Variants in DAB1 observed in about 807,000 individuals in gnomAD.
DAB1 encodes the protein DAB adaptor protein 1, also known as disabled homolog 1.
In DAB1, 15 loss-of-function variants were observed where a neutral mutation model predicts 64.6. That is an observed-to-expected ratio of 0.23 (90% CI 0.16 to 0.36). DAB1 has a LOEUF of 0.36. Among genes scored for constraint, DAB1 ranks in the 10% least tolerant of loss-of-function variants. The pLI is 1.00. For missense variants in DAB1, 596 were observed against 706.7 expected, an observed-to-expected ratio of 0.84 and a Z score of 1.78; for synonymous variants, 235 against 251.9, an observed-to-expected ratio of 0.93 and a Z score of 0.64.
chr1:57,603,978 C>A (rs1645605396), intron 7 of DAB1, among the ~76,000 whole-genome samples: 1 of 152,230 alleles, frequency 6.6e-6, no homozygotes, highest in South Asian at 2.1e-4. Context: ...ATACCTGTTT[C>A]TCTAGCTGCA....
chr1:57,079,183 AT>A (rs1357788520), intron 4 of DAB1, among the ~76,000 whole-genome samples: 1 of 151,960 alleles, frequency 6.6e-6, no homozygotes, highest in Non-Finnish European at 1.5e-5. Flanking sequence ...ATTACTAGTA[AT>A]TTTCTTCTTA....
At chr1:57,483,783 C>A (rs371926883) in intron 7 of DAB1, among the ~76,000 whole-genome samples, 1 of 152,062 alleles carries the variant, frequency 6.6e-6, no homozygotes, top group East Asian at 1.9e-4. Context: ...CATGAAGACA[C>A]CGATGGTGAT....
At chr1:58,462,195 C>T (rs1334177368) in intron 3 of DAB1, among the ~76,000 whole-genome samples, 4 of 148,090 alleles carry the variant, frequency 2.7e-5, no homozygotes, top group South Asian at 2.2e-4. Context: ...GGCGCAGTCT[C>T]GGCTCACTGC....
intron 7 of DAB1, among the ~76,000 whole-genome samples, chr1:57,565,068 A>T (rs182208397): frequency 0.034 from 5,227 of 152,288 alleles, 327 homozygotes; most frequent in African/African-American, 0.12. Context: ...GACTAACAGC[A>T]GATCTCTCAG....
intron 6 of DAB1, among the ~76,000 whole-genome samples, chr1:57,807,682 A>C (rs1224100880): frequency 6.6e-6 from 1 of 152,116 alleles, no homozygotes; most frequent in Non-Finnish European, 1.5e-5. Flanking sequence ...ATTTATATTA[A>C]AAATTTTTTT....
intron 7 of DAB1, among the ~76,000 whole-genome samples, chr1:57,507,494 A>G (rs1003106568): frequency 3.3e-5 from 5 of 152,188 alleles, no homozygotes; most frequent in Admixed American, 6.5e-5. Flanking sequence ...CTCAAAGACA[A>G]TAACAGGGTT....
intron 5 of DAB1, among the ~76,000 whole-genome samples, chr1:58,093,489 T>C (rs1313030422): frequency 6.6e-6 from 1 of 151,950 alleles, no homozygotes; most frequent in Non-Finnish European, 1.5e-5. Context: ...ATGAACCCTA[T>C]TGTGAACTGC....
chr1:57,728,116 C>G (rs957678506), intron 6 of DAB1, among the ~76,000 whole-genome samples: 3 of 152,100 alleles, frequency 2.0e-5, no homozygotes, highest in South Asian at 4.2e-4. Context: ...TTTAGAAAAC[C>G]CTGACCTACC....
At chr1:57,855,869 T>C (rs946806835) in intron 1 of DAB1, among the ~76,000 whole-genome samples, 1 of 152,044 alleles carries the variant, frequency 6.6e-6, no homozygotes, top group African/African-American at 2.4e-5. Context: ...CAACTGCAGG[T>C]TGACAAGGGT....
chr1:57,035,234 A>C (rs1295779215), intron 9 of DAB1, among the ~76,000 whole-genome samples: 2 of 152,192 alleles, frequency 1.3e-5, no homozygotes, highest in African/African-American at 4.8e-5. Flanking sequence ...CAGAGCCCCT[A>C]CCAACTAGCT....
intron 7 of DAB1, among the ~76,000 whole-genome samples, chr1:57,604,035 G>T (rs560523930): frequency 6.6e-6 from 1 of 152,346 alleles, no homozygotes; most frequent in African/African-American, 2.4e-5. Context: ...TCCCTGGGGA[G>T]CTGGGGGCCT....
intron 5 of DAB1, among the ~76,000 whole-genome samples, chr1:58,125,704 C>T (rs1435103508): frequency 6.6e-6 from 1 of 152,142 alleles, no homozygotes; most frequent in African/African-American, 2.4e-5. Context: ...TCTCAGCCTT[C>T]CAATGTGTTG....
chr1:57,079,275 T>C (rs514550), intron 4 of DAB1, among the ~76,000 whole-genome samples: 66,972 of 151,898 alleles, frequency 0.44, 14,934 homozygotes, highest in Admixed American at 0.53. Context: ...ATGCCTGCAC[T>C]GTCACTAACC....
chr1:57,808,412 C>G (rs1320204427), intron 6 of DAB1, among the ~76,000 whole-genome samples: 2 of 152,270 alleles, frequency 1.3e-5, no homozygotes, highest in East Asian at 3.9e-4. Flanking sequence ...CTTCCTCCAC[C>G]AGAGAGAAAG....
chr1:57,162,867 T>C (rs1033966975), intron 2 of DAB1, among the ~76,000 whole-genome samples: 1 of 152,242 alleles, frequency 6.6e-6, no homozygotes, highest in African/African-American at 2.4e-5. Flanking sequence ...CTGAGAAGGC[T>C]GCAATATAAA....
intron 7 of DAB1, among the ~76,000 whole-genome samples, chr1:57,589,141 C>T (rs546931556): frequency 1.3e-5 from 2 of 152,122 alleles, no homozygotes; most frequent in South Asian, 4.2e-4. Context: ...ATTGCTTGAA[C>T]CTGGGGGTGT....
At chr1:58,069,163 C>T (rs1454740433) in intron 5 of DAB1, among the ~76,000 whole-genome samples, 2 of 152,190 alleles carry the variant, frequency 1.3e-5, no homozygotes, top group African/African-American at 4.8e-5. Context: ...CAAAATAATT[C>T]CATGACATAA....
intron 5 of DAB1, among the ~76,000 whole-genome samples, chr1:58,076,623 G>A (rs1403965513): frequency 2.0e-5 from 3 of 152,186 alleles, no homozygotes; most frequent in African/African-American, 7.2e-5. Context: ...ATTAGTAAAC[G>A]ATAGAGTCAT....
chr1:57,694,946 A>T (rs3131774), intron 6 of DAB1, among the ~76,000 whole-genome samples: 73,493 of 151,806 alleles, frequency 0.48, 20,687 homozygotes, highest in African/African-American at 0.78. Context: ...ATCATATCTT[A>T]AAAAAAATCC....
Sources: gnomAD v4.1 joint callset for allele counts (sites outside exome capture counted in the v4.1 genomes callset) on GRCh38, gnomAD v4.1.1 for gene constraint, MANE v1.5 for transcripts, NCBI Gene and HGNC (gene_info 2026-07-23, HGNC 2026-07-21) for gene names.